The following HPSE2 variants were observed in gnomAD, a reference collection of about 807,000 sequenced individuals.
The protein encoded by HPSE2 is inactive heparanase-2.
HPSE2 carries 38 observed loss-of-function variants against 60.5 expected under a neutral mutation model. The observed-to-expected ratio is 0.63, with a 90% CI of 0.48 to 0.82. HPSE2 has a LOEUF of 0.82. Ranked by LOEUF, HPSE2 falls within the 40% of genes least tolerant of loss-of-function variation. HPSE2 has a pLI of 0.00. For synonymous variants in HPSE2, 295 were observed against 293.2 expected (o/e 1.01, Z -0.06); for missense variants, 713 against 740.4 (o/e 0.96, Z 0.43).
chr10:99,259,755 A>C, the HPSE2 span, among the ~76,000 whole-genome samples: 5 of 152,206 alleles, frequency 3.3e-5, no homozygotes, highest in Admixed American at 6.5e-5. Flanking sequence ...GGGGGACCAC[A>C]CAGCAGGAGG....
intron 11 of HPSE2, among the ~76,000 whole-genome samples, chr10:98,467,378 G>A (rs1025736949): frequency 6.6e-6 from 1 of 152,218 alleles, no homozygotes. Context: ...CTCTGGACAG[G>A]AAGGCCAGAA....
chr10:99,009,808 T>C (rs772001548), intron 3 of HPSE2, among the ~76,000 whole-genome samples: 2 of 152,190 alleles, frequency 1.3e-5, no homozygotes, highest in African/African-American at 4.8e-5. Context: ...GTCATTTGCT[T>C]TTGCAAAACA....
At chr10:98,894,298 C>G (rs537770922) in intron 3 of HPSE2, among the ~76,000 whole-genome samples, 27 of 151,988 alleles carry the variant, frequency 1.8e-4, no homozygotes, top group African/African-American at 5.5e-4. Flanking sequence ...GAATTGGACC[C>G]CAGAATATTT....
At chr10:98,674,795 G>A (rs932496984) in intron 6 of HPSE2, among the ~76,000 whole-genome samples, 11 of 152,172 alleles carry the variant, frequency 7.2e-5, no homozygotes, top group African/African-American at 2.6e-4. Flanking sequence ...GGTGGTGTGG[G>A]CCTGTAATCT....
intron 5 of HPSE2, among the ~76,000 whole-genome samples, chr10:98,705,764 G>A (rs1948531618): frequency 6.6e-6 from 1 of 152,082 alleles, no homozygotes; most frequent in African/African-American, 2.4e-5. Context: ...GCGGGGTGGG[G>A]GAGCGAGGAG....
At chr10:98,821,377 T>C (rs1951419242) in intron 3 of HPSE2, among the ~76,000 whole-genome samples, 1 of 152,238 alleles carries the variant, frequency 6.6e-6, no homozygotes, top group South Asian at 2.1e-4. Context: ...TGTAGGTAAT[T>C]ATAGCATGAT....
intron 9 of HPSE2, among the ~76,000 whole-genome samples, chr10:98,537,002 TAAG>T (rs1943303340): frequency 6.6e-6 from 1 of 152,312 alleles, no homozygotes; most frequent in South Asian, 2.1e-4. Context: ...TAAAGGGTTT[TAAG>T]AAGGTGTTAA....
chr10:99,306,964 C>T, the HPSE2 span, among the ~76,000 whole-genome samples: 1 of 152,202 alleles, frequency 6.6e-6, no homozygotes, highest in Admixed American at 6.5e-5. Context: ...CCCGCCTCAG[C>T]CTCCCAAAGT....
chr10:98,998,771 T>C (rs994401640), intron 3 of HPSE2, among the ~76,000 whole-genome samples: 24 of 152,284 alleles, frequency 1.6e-4, no homozygotes, highest in African/African-American at 5.5e-4. Flanking sequence ...TACCCAGAGT[T>C]CTGTACTAAA....
chr10:98,875,689 T>C (rs1952859191), intron 3 of HPSE2, among the ~76,000 whole-genome samples: 1 of 151,984 alleles, frequency 6.6e-6, no homozygotes, highest in Non-Finnish European at 1.5e-5. Context: ...GAAGCCAACA[T>C]CATCCTGATG....
intron 5 of HPSE2, among the ~76,000 whole-genome samples, chr10:98,705,761 G>C (rs188467760): frequency 2.0e-5 from 3 of 152,036 alleles, no homozygotes; most frequent in African/African-American, 4.8e-5. Context: ...GTCGCGGGGT[G>C]GGGGAGCGAG....
chr10:99,192,993 T>C (rs1438395446), intron 2 of HPSE2, among the ~76,000 whole-genome samples: 1 of 152,094 alleles, frequency 6.6e-6, no homozygotes, highest in Non-Finnish European at 1.5e-5. Flanking sequence ...AAATACAAAA[T>C]ATTATACCAC....
At chr10:99,171,560 A>G (rs1847310431) in intron 2 of HPSE2, among the ~76,000 whole-genome samples, 1 of 152,224 alleles carries the variant, frequency 6.6e-6, no homozygotes, top group Non-Finnish European at 1.5e-5. Flanking sequence ...AAACAACCTT[A>G]TAAGAAAATT....
chr10:99,158,321 T>C (rs373854007), intron 2 of HPSE2, among the ~76,000 whole-genome samples: 37 of 111,480 alleles, frequency 3.3e-4, no homozygotes, highest in South Asian at 2.2e-3. Flanking sequence ...TATTGCGGCA[T>C]TATTCACAAT....
At chr10:98,510,662 A>C (rs1326413012) in intron 9 of HPSE2, among the ~76,000 whole-genome samples, 1 of 152,176 alleles carries the variant, frequency 6.6e-6, no homozygotes, top group African/African-American at 2.4e-5. Flanking sequence ...GCTCTGACCA[A>C]CTCAGGCACA....
intron 3 of HPSE2, among the ~76,000 whole-genome samples, chr10:98,956,331 T>G (rs1471932515): frequency 2.0e-5 from 3 of 152,128 alleles, no homozygotes; most frequent in African/African-American, 7.2e-5. Context: ...AATGGTATGA[T>G]AGAGCATGGT....
At chr10:98,582,216 A>G (rs887639781) in intron 9 of HPSE2, among the ~76,000 whole-genome samples, 3 of 152,234 alleles carry the variant, frequency 2.0e-5, no homozygotes, top group Non-Finnish European at 4.4e-5. Context: ...GTAAACGGAA[A>G]GAGTACAAGC....
At chr10:98,943,419 T>C (rs1376922978) in intron 3 of HPSE2, among the ~76,000 whole-genome samples, 4 of 151,952 alleles carry the variant, frequency 2.6e-5, no homozygotes, top group Non-Finnish European at 5.9e-5. Flanking sequence ...ATTGCAATGG[T>C]TTCTGCAAAG....
In HPSE2 at chr10:98,974,108, T is replaced by C. The variant is rs555448995; in HGVS notation, c.610+170130A>G. 7.2e-4 allele frequency among the ~76,000 whole-genome samples: 110 copies of C among 151,782 alleles called. 1 individual carries two copies. Among genetic ancestry groups the C allele is most frequent in the South Asian group, 1.5e-3 (7 of 4,810 alleles). On this transcript the variant is annotated intron_variant, in intron 3 of 11. Coordinates refer to ENST00000370552, the MANE Select transcript of HPSE2 (RefSeq NM_021828.5). The stretch of plus-strand genomic sequence containing the variant: ...AAGTTTGAGACCAGCCTGGCCAACA[T>C]GGAAAAACCCCATCTCTACTAAAAA...
Sources: gnomAD v4.1 joint callset for allele counts (sites outside exome capture counted in the v4.1 genomes callset) on GRCh38, gnomAD v4.1.1 for gene constraint, MANE v1.5 for transcripts, NCBI Gene and HGNC (gene_info 2026-07-23, HGNC 2026-07-21) for gene names.